Variants in COL4A1 observed in about 807,000 individuals in gnomAD.
The protein encoded by COL4A1 is collagen alpha-1(IV) chain.
Under a neutral mutation model 216.6 loss-of-function variants are expected in COL4A1, and 40 were observed. The observed-to-expected ratio is 0.18, with a 90% CI of 0.14 to 0.24. The LOEUF (loss-of-function observed/expected upper bound fraction) is 0.24. Ranked by LOEUF, COL4A1 falls within the 10% of genes least tolerant of loss-of-function variation. COL4A1 has a pLI of 1.00. For missense variants in COL4A1, 1,628 were observed against 2,196.8 expected (o/e 0.74, Z 5.18); for synonymous variants, 839 against 810.7 (o/e 1.03, Z -0.59).
chr13:110,264,039 T>C (rs1363079670), intron 1 of COL4A1, among the ~76,000 whole-genome samples: 1 of 152,218 alleles, frequency 6.6e-6, no homozygotes, highest in African/African-American at 2.4e-5. Context: ...AGGAGAGGGC[T>C]GCTGCGGCAG....
chr13:110,241,291 T>G (rs1412572577), intron 2 of COL4A1, among the ~76,000 whole-genome samples: 1 of 152,194 alleles, frequency 6.6e-6, no homozygotes, highest in Non-Finnish European at 1.5e-5. Flanking sequence ...GAGGTGGACA[T>G]CAACCCTGCT....
At position 110,198,527 on chromosome 13, in the gene COL4A1, T is replaced by G. The variant is rs769406707; in HGVS notation, c.1225A>C (p.Arg409=). 1.1e-5 allele frequency: 17 copies of G among 1,614,052 alleles called. No individual in the cohort carries two copies. The highest frequency in any genetic ancestry group is 1.4e-5 in the Non-Finnish European group (16 of 1,180,004). The change falls in exon 21 of 52, where the codon AGA becomes CGA. Residue 409 remains arginine, a synonymous_variant. Coordinates refer to ENST00000375820, the MANE Select transcript of COL4A1 (RefSeq NM_001845.6). ...CCAGGAGGACCCGGGAGCCCATCTCTTCCACTTGGTCCTGGCAGAGATGTA... is the reference window on the plus strand; with the variant it reads ...CCAGGAGGACCCGGGAGCCCATCTCGTCCACTTGGTCCTGGCAGAGATGTA... ...PGTSLPGPSG[R]DGLPGPPGSP... is the part of the protein sequence containing the mutation.
intron 2 of COL4A1, among the ~76,000 whole-genome samples, chr13:110,230,321 T>C (rs959918775): frequency 6.6e-6 from 1 of 151,984 alleles, no homozygotes; most frequent in East Asian, 1.9e-4. Context: ...GTATGTGATA[T>C]GTGCATGCAC....
chr13:110,152,316 A>T lies in COL4A1; in HGVS notation c.4928+18T>A. The T allele has an allele frequency of 3.7e-6, 6 of 1,614,052 alleles. No individual in the cohort carries two copies. Among genetic ancestry groups the T allele is most frequent in the Non-Finnish European group, 5.1e-6 (6 of 1,180,018 alleles). On this transcript the variant is annotated intron_variant, in intron 51 of 51. Coordinates refer to ENST00000375820, the MANE Select transcript of COL4A1 (RefSeq NM_001845.6). ...CAAAGGGGCCAGCAGCCTGCAAAAA[A>T]GCAGTGCTCCCACTTACTTGAACAT...
intron 42 of COL4A1, 45 bp from the exon 43 acceptor site, chr13:110,169,807 C>G (rs1222108571): frequency 6.2e-7 from 1 of 1,612,632 alleles, no homozygotes; most frequent in East Asian, 2.2e-5. Context: ...TAAATATGCA[C>G]AAGTGTCCCT....
At chr13:110,241,179 T>C (rs1881549909) in intron 2 of COL4A1, among the ~76,000 whole-genome samples, 1 of 152,130 alleles carries the variant, frequency 6.6e-6, no homozygotes, top group Non-Finnish European at 1.5e-5. Context: ...CTAAAAAATA[T>C]ATATAAGTTT....
Position 110,200,952 on chromosome 13 carries a change from A to C in COL4A1, c.1085-63T>G, listed in dbSNP as rs928177816. 5.8e-6 allele frequency: 9 copies of C among 1,548,618 alleles called. No individual in the cohort carries two copies. The Admixed American group carries it at 1.5e-4, about 26-fold the overall frequency. On this transcript the variant is annotated intron_variant, in intron 19 of 51. Coordinates refer to ENST00000375820, the MANE Select transcript of COL4A1 (RefSeq NM_001845.6). ...GTTCACCCGTTTGTATACACTTCTT[A>C]TTTCTCTACTGAAAGCCTTGCTTGG...
At chr13:110,191,756 A>G in intron 24 of COL4A1, 1 of 617,938 alleles carries the variant, frequency 1.6e-6, no homozygotes, top group Non-Finnish European at 2.9e-6. Flanking sequence ...ATCTTTTCAT[A>G]GAAACTATTG....
chr13:110,190,236 C>T (rs113727057), intron 24 of COL4A1, among the ~76,000 whole-genome samples: 5 of 151,940 alleles, frequency 3.3e-5, no homozygotes, highest in African/African-American at 4.8e-5. Context: ...CTTCTTGATT[C>T]TAAGTAGTTC....
intron 1 of COL4A1, among the ~76,000 whole-genome samples, chr13:110,271,033 T>C (rs1262071572): frequency 6.6e-6 from 1 of 152,012 alleles, no homozygotes; most frequent in East Asian, 1.9e-4. Flanking sequence ...AAAGAACAAA[T>C]TGGAGATGAT....
At chr13:110,189,351 C>G (rs1230380701) in intron 24 of COL4A1, among the ~76,000 whole-genome samples, 1 of 152,244 alleles carries the variant, frequency 6.6e-6, no homozygotes, top group Non-Finnish European at 1.5e-5. Context: ...GCGTGAGCCA[C>G]CGTACCCAGC....
chr13:110,235,485 C>T (rs1233844335), intron 2 of COL4A1, among the ~76,000 whole-genome samples: 1 of 151,782 alleles, frequency 6.6e-6, no homozygotes, highest in Admixed American at 6.6e-5. Flanking sequence ...CCCGTCTCTA[C>T]TAAAAATACA....
chr13:110,191,576 C>T (rs766953474), intron 24 of COL4A1: 3 of 634,974 alleles, frequency 4.7e-6, no homozygotes, highest in South Asian at 1.9e-5. Context: ...AGCTAAGAAG[C>T]TGGTATTTTG....
intron 1 of COL4A1, among the ~76,000 whole-genome samples, chr13:110,253,324 T>C: frequency 1.9e-5 from 1 of 53,334 alleles, no homozygotes; most frequent in South Asian, 6.2e-4. Context: ...CATATACATA[T>C]AATTATATGT....
intron 2 of COL4A1, among the ~76,000 whole-genome samples, chr13:110,223,098 G>A (rs946577124): frequency 6.6e-6 from 1 of 152,098 alleles, no homozygotes; most frequent in Admixed American, 6.5e-5. Context: ...TATAAATTGG[G>A]AGAGTATTTG....
Position 110,176,971 on chromosome 13 carries a change from T to G in COL4A1, c.2783A>C (p.Asp928Ala). Residue 928 changes from aspartate (D) to alanine (A), a missense_variant, in exon 34 of 52, where the codon GAT (aspartate) becomes GCT (alanine). Asp to Ala is a moderately radical substitution (Grantham distance 126, BLOSUM62 -2). This residue lies in a region of COL4A1 where 701 missense variants were observed against 892.5 expected (regional missense o/e 0.79). Transcript: ENST00000375820. Reference sequence around the variant, plus strand: ...GCCAGGCTTGCCAGGGAGACCGACATCCCCCTTATCACCTTTCAAGCCAGG... The same window carrying G: ...GCCAGGCTTGCCAGGGAGACCGACAGCCCCCTTATCACCTTTCAAGCCAGG... ...GDPGLKGDKG[D>A]VGLPGKPGSM... The G allele has an allele frequency of 6.2e-7, 1 of 1,613,996 alleles. No individual in the cohort carries two copies. The highest frequency in any genetic ancestry group is 8.5e-7 in the Non-Finnish European group (1 of 1,179,992).
At position 110,200,707 on chromosome 13, in the gene COL4A1, C is replaced by A. The variant is rs113181789; in HGVS notation, c.1120+147G>T. ...ATACTTATCTACAAGCACTTGTCTACTCTGCTTTCATCACTAGAAAAGATG... is the reference window on the plus strand; with the variant it reads ...ATACTTATCTACAAGCACTTGTCTAATCTGCTTTCATCACTAGAAAAGATG... On this transcript the variant is annotated intron_variant, in intron 20 of 51. Coordinates refer to ENST00000375820, the MANE Select transcript of COL4A1 (RefSeq NM_001845.6). 7.4e-5 allele frequency: 65 copies of A among 878,162 alleles called. No homozygotes were observed. The African/African-American group carries it at 9.8e-4, about 13-fold the overall frequency. The allele number at this position is 878,162 out of a possible 1,614,324, so 54.4% of individuals were successfully genotyped here.
rs536853705 is a variant in COL4A1 at position 110,307,054 on chromosome 13, C to A, written c.-27G>T. ...GTGGCGCGCCCGAGGCGGCGAGGGACGGCTGCCCGGCGTGCGGGGGCCGCG... is the reference window on the plus strand; with the variant it reads ...GTGGCGCGCCCGAGGCGGCGAGGGAAGGCTGCCCGGCGTGCGGGGGCCGCG... On this transcript the variant is annotated 5_prime_UTR_variant, in exon 1 of 52. Coordinates refer to ENST00000375820, the MANE Select transcript of COL4A1 (RefSeq NM_001845.6). This position sits in a 1 kb window ranked among gnomAD's most constrained non-coding sequence, Gnocchi z 5.0. The A allele has an allele frequency of 6.0e-5, 86 of 1,439,332 alleles. No individual in the cohort carries two copies. In the African/African-American group the frequency reaches 1.2e-3, roughly 21 times the overall value. 89.2% of individuals were successfully genotyped at this position (1,439,332 alleles called of 1,614,324 possible). A position where few individuals can be genotyped will look rare whatever the true frequency, so the allele number is the denominator to read the frequency against.
At chr13:110,169,557 A>G in intron 43 of COL4A1, 72 bp downstream of exon 43, 2 of 1,605,090 alleles carry the variant, frequency 1.2e-6, no homozygotes, top group Non-Finnish European at 1.7e-6. Context: ...ACATACACAC[A>G]TAGACACATA....
Sources: gnomAD v4.1 joint callset for allele counts (sites outside exome capture counted in the v4.1 genomes callset) on GRCh38, gnomAD v4.1.1 for gene constraint, gnomAD v4.1.1 regional missense constraint, Gnocchi (gnomAD v3.1) non-coding constraint, MANE v1.5 for transcripts, NCBI Gene and HGNC (gene_info 2026-07-23, HGNC 2026-07-21) for gene names.